LPIN1: variants seen among roughly 807,000 people sequenced by gnomAD.
The protein encoded by LPIN1 is phosphatidate phosphatase LPIN1.
Under a neutral mutation model 107.5 loss-of-function variants are expected in LPIN1, and 71 were observed. The observed-to-expected ratio is 0.66, with a 90% CI of 0.55 to 0.80. The LOEUF (loss-of-function observed/expected upper bound fraction) is 0.80, where lower values mean the gene tolerates loss of function less well. LPIN1 is among the 30% of genes least tolerant of loss of function. The pLI is 0.00. For synonymous variants in LPIN1, 445 were observed against 452.6 expected (o/e 0.98, Z 0.21); for missense variants, 1,043 against 1,160.6 (o/e 0.90, Z 1.47).
At chr2:11,747,519 T>C (rs1667146501) in intron 1 of LPIN1, among the ~76,000 whole-genome samples, 1 of 152,162 alleles carries the variant, frequency 6.6e-6, no homozygotes, top group Non-Finnish European at 1.5e-5. Flanking sequence ...TTGGAGATGT[T>C]TTAGAACCCG....
chr2:11,787,519 G>T (rs556402334), intron 11 of LPIN1, among the ~76,000 whole-genome samples: 11 of 146,756 alleles, frequency 7.5e-5, no homozygotes, highest in Non-Finnish European at 1.5e-4. Flanking sequence ...TCCCACCTCC[G>T]CCTCGCAAAG....
intron 1 of LPIN1, among the ~76,000 whole-genome samples, chr2:11,731,779 G>C (rs1362462517): frequency 6.6e-6 from 1 of 150,930 alleles, no homozygotes; most frequent in African/African-American, 2.4e-5. Context: ...GCCTGAGATG[G>C]TATCTCATTG....
intron 18 of LPIN1, chr2:11,818,629 CCCT>C (rs1049951139): frequency 2.0e-5 from 3 of 151,076 alleles, no homozygotes; most frequent in Admixed American, 2.0e-4. Flanking sequence ...CAATTTTTTC[CCCT>C]AATTCTTTCT....
chr2:11,800,498 C>T (rs928021637), intron 14 of LPIN1, among the ~76,000 whole-genome samples: 2 of 152,256 alleles, frequency 1.3e-5, no homozygotes, highest in South Asian at 2.1e-4. Flanking sequence ...ACCTTCGCCT[C>T]CCGGGTCCAA....
chr2:11,738,202 A>C (rs1211274844), intron 1 of LPIN1, among the ~76,000 whole-genome samples: 1 of 151,040 alleles, frequency 6.6e-6, no homozygotes, highest in Non-Finnish European at 1.5e-5. Flanking sequence ...ACATGGACAC[A>C]GGGAGGGGAA....
chr2:11,710,518 C>T (rs1338795152), intron 1 of LPIN1, among the ~76,000 whole-genome samples: 2 of 152,096 alleles, frequency 1.3e-5, no homozygotes, highest in Non-Finnish European at 2.9e-5. Flanking sequence ...ACCAGCTGCT[C>T]TGAAGATGCT....
At chr2:11,766,202 G>C (rs181223211) in intron 2 of LPIN1, among the ~76,000 whole-genome samples, 1 of 152,364 alleles carries the variant, frequency 6.6e-6, no homozygotes, top group East Asian at 1.9e-4. Context: ...TGAGCATCTT[G>C]AGAGGGAGGA....
chr2:11,823,937 G>A (rs1301632056), intron 20 of LPIN1, among the ~76,000 whole-genome samples: 6 of 152,160 alleles, frequency 3.9e-5, no homozygotes, highest in African/African-American at 9.7e-5. Context: ...AGGAGAGCCC[G>A]GGTCTCTTGA....
chr2:11,687,082 C>T (rs191954165), intron 1 of LPIN1, among the ~76,000 whole-genome samples: 1 of 143,400 alleles, frequency 7.0e-6, no homozygotes, highest in African/African-American at 2.6e-5. Context: ...ACTGCAGCCT[C>T]GAATTCCTGG....
intron 4 of LPIN1, among the ~76,000 whole-genome samples, chr2:11,772,502 G>A (rs1672014099): frequency 1.3e-5 from 2 of 152,194 alleles, no homozygotes; most frequent in African/African-American, 2.4e-5. Flanking sequence ...TCTTATTTGA[G>A]CACCAACGAT....
intron 1 of LPIN1, among the ~76,000 whole-genome samples, chr2:11,759,097 C>T (rs570114149): frequency 6.6e-6 from 1 of 152,284 alleles, no homozygotes; most frequent in South Asian, 2.1e-4. Context: ...TGTGGTAATG[C>T]TATCCAGTTA....
At position 11,785,018 on chromosome 2, in the gene LPIN1, C is replaced by T. The variant is rs1331198858; in HGVS notation, c.1491C>T (p.Leu497=). ...VESTSDGLRD[L]PSIAISLCGG... is the part of the protein sequence containing the mutation. ...GCACCTCGGACGGGCTGAGGGACCT[C>T]CCTTCCATCGCCATCTCCCTCTGCG... The change falls in exon 10 of 21, where the codon CTC becomes CTT. Residue 497 remains leucine, a synonymous_variant. Transcript: ENST00000674199. The T allele has an allele frequency of 6.2e-7, 1 of 1,609,632 alleles. No homozygotes were observed. Among genetic ancestry groups the T allele is most frequent in the Middle Eastern group, 1.7e-4 (1 of 5,870 alleles).
intron 2 of LPIN1, among the ~76,000 whole-genome samples, chr2:11,717,122 A>G (rs1663798140): frequency 6.6e-6 from 1 of 152,132 alleles, no homozygotes; most frequent in East Asian, 1.9e-4. Flanking sequence ...TTATTTTTGA[A>G]ACATGTGATC....
intron 1 of LPIN1, among the ~76,000 whole-genome samples, chr2:11,759,944 G>A (rs1669452898): frequency 6.7e-6 from 1 of 149,740 alleles, no homozygotes; most frequent in Non-Finnish European, 1.5e-5. Flanking sequence ...CCGGGCGGAG[G>A]GGCTCCTCAC....
intron 1 of LPIN1, among the ~76,000 whole-genome samples, chr2:11,725,671 G>A (rs148867162): frequency 4.5e-4 from 68 of 152,262 alleles, no homozygotes; most frequent in African/African-American, 1.3e-3. Context: ...GGATTTTAAA[G>A]TCATGGATTT....
intron 1 of LPIN1, among the ~76,000 whole-genome samples, chr2:11,728,080 G>T (rs1664838288): frequency 6.6e-6 from 1 of 152,166 alleles, no homozygotes; most frequent in Admixed American, 6.5e-5. Context: ...TGAGATTCAT[G>T]TGTGATACCG....
At chr2:11,731,680 C>T (rs1654954315) in intron 1 of LPIN1, among the ~76,000 whole-genome samples, 2 of 152,096 alleles carry the variant, frequency 1.3e-5, no homozygotes, top group Non-Finnish European at 2.9e-5. Context: ...AACTAGTTTA[C>T]CACCAACAGT....
intron 17 of LPIN1, 88 bp from the exon 18 acceptor site, chr2:11,815,000 C>T (rs747973155): frequency 1.2e-4 from 158 of 1,287,688 alleles, no homozygotes; most frequent in Non-Finnish European, 1.7e-4. Context: ...GTGCCATTCT[C>T]CACAGAACAG....
chr2:11,802,980 C>G lies in LPIN1; in HGVS notation c.1960C>G (p.Leu654Val). 2 of 1,613,316 alleles carry G rather than the reference C, an allele frequency of 1.2e-6. No homozygotes were observed. The highest frequency in any genetic ancestry group is 1.7e-6 in the Non-Finnish European group (2 of 1,180,038). ...AKPSNAGHLP[L>V]LPNVSYKKTL... ...GCCATCAAACGCAGGCCACCTCCCT[C>G]TTCTGCCTAATGTCAGCTACAAGAA... The change falls in exon 15 of 21, where the codon CTT becomes GTT. Residue 654 changes from leucine (L) to valine (V), a missense_variant. Leu to Val is a conservative substitution (Grantham distance 32, BLOSUM62 1). Transcript: ENST00000674199.
Sources: allele counts gnomAD v4.1 joint callset (sites outside exome capture counted in the v4.1 genomes callset), GRCh38; gene constraint gnomAD v4.1.1; transcripts MANE v1.5; gene names NCBI Gene and HGNC (gene_info 2026-07-23, HGNC 2026-07-21).